GRIK1: variants seen among roughly 807,000 people sequenced by gnomAD.
GRIK1 encodes the protein glutamate ionotropic receptor kainate type subunit 1.
In GRIK1, 69 loss-of-function variants were observed where a neutral mutation model predicts 105.7. That is an observed-to-expected ratio of 0.65 (90% confidence interval 0.54 to 0.80). GRIK1 has a LOEUF of 0.80. GRIK1 is among the 30% of genes least tolerant of loss of function. GRIK1 has a pLI of 0.00. For missense variants in GRIK1, 1,109 were observed against 1,167.3 expected (o/e 0.95, Z 0.73); for synonymous variants, 438 against 431.3 (o/e 1.02, Z -0.19).
intron 1 of GRIK1, among the ~76,000 whole-genome samples, chr21:29,697,926 C>CTT (rs758177927): frequency 0.046 from 6,294 of 135,588 alleles, 190 homozygotes; most frequent in Non-Finnish European, 0.066. Flanking sequence ...TTCTCTCTCT[C>CTT]TCTCTTTCTT....
At chr21:29,823,602 T>C (rs2067365340) in intron 1 of GRIK1, among the ~76,000 whole-genome samples, 1 of 151,890 alleles carries the variant, frequency 6.6e-6, no homozygotes, top group South Asian at 2.1e-4. Context: ...GGAAAGAATG[T>C]AGAAGGAGGA....
At chr21:29,700,178 C>T (rs1360598151) in intron 1 of GRIK1, among the ~76,000 whole-genome samples, 4 of 152,060 alleles carry the variant, frequency 2.6e-5, no homozygotes, top group Admixed American at 6.6e-5. Flanking sequence ...TGAAGTGCAG[C>T]GAGGACGTAG....
chr21:29,895,109 G>T (rs1181432285), intron 1 of GRIK1, among the ~76,000 whole-genome samples: 1 of 152,152 alleles, frequency 6.6e-6, no homozygotes, highest in Non-Finnish European at 1.5e-5. Context: ...AGATATTTAA[G>T]TAAGAATATT....
intron 1 of GRIK1, among the ~76,000 whole-genome samples, chr21:29,756,393 A>T (rs1411692726): frequency 3.3e-5 from 5 of 152,192 alleles, no homozygotes; most frequent in Admixed American, 3.3e-4. Context: ...AAAAGAAAAA[A>T]TAATGACAAT....
intron 1 of GRIK1, among the ~76,000 whole-genome samples, chr21:29,759,743 C>A (rs1268533339): frequency 2.0e-5 from 3 of 152,184 alleles, no homozygotes; most frequent in African/African-American, 7.2e-5. Flanking sequence ...ATTTCGTTAG[C>A]TCTATCTGGT....
intron 1 of GRIK1, among the ~76,000 whole-genome samples, chr21:29,842,946 A>G (rs1477708065): frequency 6.6e-6 from 1 of 152,192 alleles, no homozygotes; most frequent in Non-Finnish European, 1.5e-5. Flanking sequence ...TAAGGTATAT[A>G]TAGTAAAGGA....
chr21:29,902,819 G>C (rs1293912761), intron 1 of GRIK1, among the ~76,000 whole-genome samples: 1 of 152,160 alleles, frequency 6.6e-6, no homozygotes, highest in Non-Finnish European at 1.5e-5. Context: ...GGCCCACATA[G>C]CCAAGACAAT....
intron 1 of GRIK1, among the ~76,000 whole-genome samples, chr21:29,780,576 G>A (rs1277169335): frequency 1.3e-5 from 2 of 152,256 alleles, no homozygotes; most frequent in South Asian, 2.1e-4. Flanking sequence ...CCCTGCCTGC[G>A]ACAATAGAAA....
chr21:29,830,514 C>T (rs536656351), intron 1 of GRIK1, among the ~76,000 whole-genome samples: 40 of 152,084 alleles, frequency 2.6e-4, no homozygotes, highest in Non-Finnish European at 4.7e-4. Context: ...CTGCTTTGTG[C>T]CATATAGATT....
At chr21:29,778,529 T>C (rs1257493895) in intron 1 of GRIK1, among the ~76,000 whole-genome samples, 1 of 152,228 alleles carries the variant, frequency 6.6e-6, no homozygotes, top group Non-Finnish European at 1.5e-5. Context: ...ATATGCTGTC[T>C]CTTATCAGAA....
At chr21:29,769,181 C>T (rs1275258290) in intron 1 of GRIK1, among the ~76,000 whole-genome samples, 1 of 152,076 alleles carries the variant, frequency 6.6e-6, no homozygotes, top group African/African-American at 2.4e-5. Flanking sequence ...ACCTTGTAAT[C>T]AGAACCTGAG....
intron 4 of GRIK1, among the ~76,000 whole-genome samples, chr21:29,656,223 G>T (rs1309022570): frequency 2.0e-5 from 3 of 151,248 alleles, no homozygotes; most frequent in Non-Finnish European, 4.4e-5. Context: ...TTAGCCAGGC[G>T]TGGTGGCGGG....
intron 12 of GRIK1, among the ~76,000 whole-genome samples, chr21:29,583,534 C>T (rs546763210): frequency 3.9e-5 from 6 of 152,274 alleles, no homozygotes; most frequent in African/African-American, 1.4e-4. Context: ...ATGCTCCCAT[C>T]GATGAGCTCA....
At chr21:29,575,138 T>G (rs1568836511) in intron 14 of GRIK1, among the ~76,000 whole-genome samples, 1 of 152,226 alleles carries the variant, frequency 6.6e-6, no homozygotes, top group Non-Finnish European at 1.5e-5. Flanking sequence ...CCTTTTTATT[T>G]ATTATTGTTA....
At chr21:29,675,779 A>G (rs1050537899) in intron 3 of GRIK1, among the ~76,000 whole-genome samples, 4 of 152,132 alleles carry the variant, frequency 2.6e-5, no homozygotes, top group African/African-American at 9.7e-5. Flanking sequence ...TGGAGGCTGG[A>G]GTAACTTGCT....
At chr21:29,681,103 A>G (rs142119198) in intron 3 of GRIK1, among the ~76,000 whole-genome samples, 55 of 152,354 alleles carry the variant, frequency 3.6e-4, no homozygotes, top group African/African-American at 1.2e-3. Context: ...ACTGCACTCC[A>G]GCCTGGATGA....
chr21:29,867,878 G>GAAGGAA (rs1569174260), intron 1 of GRIK1, among the ~76,000 whole-genome samples: 22 of 15,922 alleles, frequency 1.4e-3, no homozygotes, highest in African/African-American at 7.1e-3. Flanking sequence ...AAGAGAGAAA[G>GAAGGAA]AGAGAGAAAG....
At chr21:29,717,268 C>A (rs1406757779) in intron 1 of GRIK1, among the ~76,000 whole-genome samples, 2 of 152,256 alleles carry the variant, frequency 1.3e-5, no homozygotes, top group Non-Finnish European at 2.9e-5. Flanking sequence ...AGCCCCCACA[C>A]AGAGTCCCCA....
At chr21:29,638,037 G>A (rs1461621188) in intron 7 of GRIK1, among the ~76,000 whole-genome samples, 1 of 152,180 alleles carries the variant, frequency 6.6e-6, no homozygotes, top group East Asian at 1.9e-4. Context: ...TAATAATAAT[G>A]ATGACACCAA....
Sources: allele counts gnomAD v4.1 joint callset (sites outside exome capture counted in the v4.1 genomes callset), GRCh38; gene constraint gnomAD v4.1.1; transcripts MANE v1.5; gene names NCBI Gene and HGNC (gene_info 2026-07-23, HGNC 2026-07-21).